ANTXRL: variants seen among roughly 807,000 people sequenced by gnomAD.
The protein encoded by ANTXRL is anthrax toxin receptor-like.
A neutral mutation model predicts 75.4 loss-of-function variants in ANTXRL; 63 were observed. The ratio of observed to expected loss-of-function variants is 0.84; its 90% CI spans 0.68 to 1.03. The LOEUF is 1.03. Among genes scored for constraint, ANTXRL ranks in the 50% least tolerant of loss-of-function variants. ANTXRL has a pLI of 0.00. For synonymous variants in ANTXRL, 335 were observed against 291.3 expected (o/e 1.15, Z -1.53); for missense variants, 797 against 789.4 (o/e 1.01, Z -0.12).
chr10:46,317,138 G>A lies in ANTXRL; in HGVS notation c.1410+3822G>A, dbSNP rs572870077. ...GTGTATAGCTCACATTTATTTCAAT[G>A]TTTAATATTAGAAGCATTTTGGTTT... On this transcript the variant is annotated intron_variant, in intron 16 of 16. Coordinates refer to ENST00000620264, the MANE Select transcript of ANTXRL (RefSeq NM_001278688.3). 3.3e-5 allele frequency among the ~76,000 whole-genome samples: 5 copies of A among 152,226 alleles called. No individual in the cohort carries two copies. The South Asian group carries it at 6.2e-4, about 19-fold the overall frequency.
At chr10:46,325,537 T>C (rs894530279) in intron 16 of ANTXRL, among the ~76,000 whole-genome samples, 2 of 152,254 alleles carry the variant, frequency 1.3e-5, no homozygotes, top group Middle Eastern at 3.4e-3. Flanking sequence ...TCCTGGCTTA[T>C]GGGTTTTAAT....
intron 16 of ANTXRL, among the ~76,000 whole-genome samples, chr10:46,326,385 C>A (rs1227418609): frequency 1.3e-5 from 2 of 152,076 alleles, no homozygotes; most frequent in Non-Finnish European, 2.9e-5. Flanking sequence ...TCACAACATC[C>A]CCACAGATCC....
At position 46,292,229 on chromosome 10, in the gene ANTXRL, G is replaced by A. The variant is rs1330366505; in HGVS notation, c.320+100G>A. 11 of 1,099,940 alleles carry A rather than the reference G, an allele frequency of 1.0e-5. No homozygotes were observed. In the African/African-American group the frequency reaches 1.7e-4, roughly 17 times the overall value. 68.1% of individuals were successfully genotyped at this position (1,099,940 alleles called of 1,614,324 possible). ...CCCATCAGATGGGGTGGGCGTGGGA[G>A]TCCTTCAGTGGGGGACACAGAGCAC... On this transcript the variant is annotated intron_variant, in intron 2 of 16. Transcript: ENST00000620264.
chr10:46,317,160 G>T lies in ANTXRL; in HGVS notation c.1410+3844G>T, dbSNP rs113282462. On this transcript the variant is annotated intron_variant, in intron 16 of 16. Coordinates refer to ENST00000620264, the MANE Select transcript of ANTXRL (RefSeq NM_001278688.3). ...AATGTTTAATATTAGAAGCATTTTG[G>T]TTTTTATTTAGAAGTTTGATGATGC... 2.3e-3 allele frequency among the ~76,000 whole-genome samples: 344 copies of T among 152,214 alleles called. 1 individual carries two copies. The highest frequency in any genetic ancestry group is 6.8e-3 in the Middle Eastern group (2 of 294).
chr10:46,302,497 G>A (rs1273830475), intron 9 of ANTXRL, among the ~76,000 whole-genome samples: 1 of 152,160 alleles, frequency 6.6e-6, no homozygotes, highest in Admixed American at 6.5e-5. Context: ...TAGGGAGAGG[G>A]TCCTTGAGTG....
At position 46,329,664 on chromosome 10, in the gene ANTXRL, C is replaced by T; in HGVS notation, c.1476C>T (p.Ile492=). 1 of 1,536,422 alleles carries T rather than the reference C, an allele frequency of 6.5e-7. No homozygotes were observed. Among genetic ancestry groups the T allele is most frequent in the South Asian group, 1.2e-5 (1 of 84,040 alleles). The change falls in exon 17 of 17, where the codon ATC becomes ATT. Residue 492 remains isoleucine, a synonymous_variant. Transcript: ENST00000620264. ...QYAQAPCCPR[I]CFPHSQECLS... ...CACAGGCTCCCTGCTGCCCAAGGAT[C>T]TGCTTTCCACACAGCCAGGAGTGCC...
chr10:46,319,744 A>G (rs571454331), intron 16 of ANTXRL, among the ~76,000 whole-genome samples: 1 of 152,062 alleles, frequency 6.6e-6, no homozygotes, highest in Admixed American at 6.5e-5. Flanking sequence ...GTCATCCACC[A>G]TTTAGGATGC....
chr10:46,307,116 C>A (rs1838141991), intron 11 of ANTXRL, among the ~76,000 whole-genome samples: 1 of 152,096 alleles, frequency 6.6e-6, no homozygotes, highest in South Asian at 2.1e-4. Context: ...AGGAATGGTA[C>A]CTTTGCTCCA....
chr10:46,298,225 A>T (rs1565023162), intron 9 of ANTXRL, among the ~76,000 whole-genome samples, 163 bp downstream of exon 9: 1 of 149,254 alleles, frequency 6.7e-6, no homozygotes, highest in Non-Finnish European at 1.5e-5. Flanking sequence ...TGTGTGTGGT[A>T]TGTGTGTATG....
At chr10:46,317,423 AGTT>A (rs1451699532) in intron 16 of ANTXRL, among the ~76,000 whole-genome samples, 1 of 152,176 alleles carries the variant, frequency 6.6e-6, no homozygotes, top group East Asian at 1.9e-4. Flanking sequence ...TTGCTGGGAT[AGTT>A]GTTCTGGGTA....
chr10:46,326,417 AG>A (rs1397027048), intron 16 of ANTXRL, among the ~76,000 whole-genome samples: 3 of 152,076 alleles, frequency 2.0e-5, no homozygotes, highest in Admixed American at 2.0e-4. Context: ...TGGCAGTGCC[AG>A]GAGGAGGGGC....
At chr10:46,303,714 T>G (rs1481338126) in intron 10 of ANTXRL, among the ~76,000 whole-genome samples, 4 of 152,070 alleles carry the variant, frequency 2.6e-5, no homozygotes, top group Admixed American at 2.0e-4. Context: ...CTCCTATTAT[T>G]TGGCAATAGT....
chr10:46,306,302 A>G (rs1838079696), intron 10 of ANTXRL, among the ~76,000 whole-genome samples: 1 of 152,220 alleles, frequency 6.6e-6, no homozygotes, highest in African/African-American at 2.4e-5. Flanking sequence ...ACCTACTTTC[A>G]ATAATTCTCA....
At chr10:46,323,897 G>A (rs1239419896) in intron 16 of ANTXRL, among the ~76,000 whole-genome samples, 1 of 152,088 alleles carries the variant, frequency 6.6e-6, no homozygotes, top group East Asian at 1.9e-4. Context: ...GCAATTAAGG[G>A]AAAATTTGCA....
Position 46,307,429 on chromosome 10 carries a change from C to T in ANTXRL, c.993C>T (p.Asn331=). The T allele has an allele frequency of 6.5e-7, 1 of 1,536,226 alleles. No individual in the cohort carries two copies. The highest frequency in any genetic ancestry group is 1.2e-5 in the South Asian group (1 of 84,040). ...GEEYSIEVSL[N]KGKTFFKSNV... Reference sequence around the variant, plus strand: ...AGTACTCTATTGAAGTCAGCTTGAACAAAGGCAAAACATTCTTCAAGAGCA... The same window carrying T: ...AGTACTCTATTGAAGTCAGCTTGAATAAAGGCAAAACATTCTTCAAGAGCA... Residue 331 remains asparagine (N), a synonymous_variant, in exon 12 of 17, where the codon AAC becomes AAT. Transcript: ENST00000620264.
At chr10:46,289,970 G>T (rs79401403) in intron 1 of ANTXRL, among the ~76,000 whole-genome samples, 2 of 151,016 alleles carry the variant, frequency 1.3e-5, no homozygotes, top group Admixed American at 1.3e-4. Flanking sequence ...CCATGTTGTC[G>T]CATCCATCAG....
chr10:46,293,574 CG>C (rs1565016071), intron 2 of ANTXRL, among the ~76,000 whole-genome samples: 4 of 144,774 alleles, frequency 2.8e-5, no homozygotes, highest in South Asian at 2.3e-4. Context: ...CCTGTGTGTG[CG>C]CGTGTGTGTG....
intron 5 of ANTXRL, among the ~76,000 whole-genome samples, chr10:46,296,585 T>C (rs1837391429): frequency 6.6e-6 from 1 of 152,108 alleles, no homozygotes; most frequent in Non-Finnish European, 1.5e-5. Flanking sequence ...CCTCCTCCCT[T>C]GCATGTCTTC....
intron 1 of ANTXRL, 37 bp from the exon 2 acceptor site, chr10:46,292,021 C>T: frequency 6.6e-7 from 1 of 1,509,820 alleles, no homozygotes; most frequent in Non-Finnish European, 8.9e-7. Context: ...CGGAGAGATG[C>T]ACTCATCTCC....
Sources: gnomAD v4.1 joint callset for allele counts (sites outside exome capture counted in the v4.1 genomes callset) on GRCh38, gnomAD v4.1.1 for gene constraint, MANE v1.5 for transcripts, NCBI Gene and HGNC (gene_info 2026-07-23, HGNC 2026-07-21) for gene names.